Variants in PCDH7 observed in about 807,000 individuals in gnomAD.
The protein encoded by PCDH7 is protocadherin-7.
PCDH7 carries 17 observed loss-of-function variants against 58.9 expected under a neutral mutation model. The observed-to-expected ratio is 0.29, with a 90% CI of 0.20 to 0.43. PCDH7 has a LOEUF of 0.43. PCDH7 is among the 20% of genes least tolerant of loss of function. The pLI is 1.00. For synonymous variants in PCDH7, 664 were observed against 616.4 expected, an observed-to-expected ratio of 1.08 and a Z score of -1.14; for missense variants, 1,274 against 1,441.0, an observed-to-expected ratio of 0.88 and a Z score of 1.88.
At chr4:30,778,414 A>G (rs1722349318) in intron 1 of PCDH7, among the ~76,000 whole-genome samples, 1 of 152,196 alleles carries the variant, frequency 6.6e-6, no homozygotes. Context: ...CTTTTCATAC[A>G]ATGTGCATGT....
At position 30,723,393 on chromosome 4, in the gene PCDH7, T is replaced by C; in HGVS notation, c.1971T>C (p.Pro657=). The change falls in exon 1 of 2, where the codon CCT becomes CCC. Residue 657 remains proline, a synonymous_variant. Transcript: ENST00000361762. The surrounding 1 kb of genome is among the most constrained non-coding windows in gnomAD (Gnocchi z 4.6). ...AAGAAAACTTGCAGCCCAACAGCCC[T>C]GTGGGGATGGTCACCGTGATGGATG... The C allele has an allele frequency of 6.2e-7, 1 of 1,614,208 alleles. No individual in the cohort carries two copies. The highest frequency in any genetic ancestry group is 8.5e-7 in the Non-Finnish European group (1 of 1,180,032).
rs1339952155 is a variant in PCDH7, at chr4:30,722,565, G to A, written c.1143G>A (p.Leu381=). The A allele has an allele frequency of 5.6e-6, 9 of 1,612,814 alleles. No homozygotes were observed. In the Admixed American group the frequency reaches 1.3e-4, roughly 24 times the overall value. ...TCGACCGCGAGGAGGTGAACCAGCT[G>A]CGCTTCACGGTCATGGCCCGCGACC... Residue 381 remains leucine (L), a synonymous_variant, in exon 1 of 2, where the codon CTG becomes CTA. Coordinates refer to ENST00000361762, the Ensembl canonical transcript of PCDH7. This position sits in a 1 kb window ranked among gnomAD's most constrained non-coding sequence, Gnocchi z 7.6.
intron 1 of PCDH7, among the ~76,000 whole-genome samples, chr4:30,853,884 T>A (rs151207151): frequency 1.2e-3 from 184 of 152,156 alleles, no homozygotes; most frequent in African/African-American, 4.2e-3. Context: ...AAGAATGAGC[T>A]CCTAAGAGAC....
chr4:30,896,494 G>A (rs1739405269), intron 1 of PCDH7, among the ~76,000 whole-genome samples: 1 of 151,840 alleles, frequency 6.6e-6, no homozygotes, highest in Non-Finnish European at 1.5e-5. Flanking sequence ...CTTATACTTT[G>A]AATATACAGT....
chr4:31,047,138 T>G (rs1226245646), intron 3 of PCDH7, among the ~76,000 whole-genome samples: 2 of 152,044 alleles, frequency 1.3e-5, no homozygotes, highest in East Asian at 3.9e-4. Flanking sequence ...AAACTTTCCT[T>G]TTTCTCTGAT....
intron 3 of PCDH7, among the ~76,000 whole-genome samples, chr4:30,990,015 G>A (rs2109122096): frequency 6.6e-6 from 1 of 152,164 alleles, no homozygotes; most frequent in Admixed American, 6.5e-5. Context: ...AGGTTAGAAT[G>A]TTGACAAATA....
chr4:30,771,690 A>T (rs1210092260), intron 1 of PCDH7, among the ~76,000 whole-genome samples: 2 of 152,188 alleles, frequency 1.3e-5, no homozygotes, highest in African/African-American at 4.8e-5. Flanking sequence ...CAAATCTGAA[A>T]TTTTCTTTAA....
intron 1 of PCDH7, among the ~76,000 whole-genome samples, chr4:30,875,857 C>T (rs1256412517): frequency 6.6e-6 from 1 of 152,076 alleles, no homozygotes; most frequent in Non-Finnish European, 1.5e-5. Context: ...CTGATGTTGG[C>T]TCGACATTAG....
chr4:31,048,443 A>G lies in PCDH7; in HGVS notation c.*8-94030A>G, dbSNP rs558749197. On this transcript the variant is annotated intron_variant, in intron 3 of 3. Transcript: ENST00000509759. ...GACACTTTCTAATCCATGGCAATATAATTATTTTTAGTCTTCAGGCTTGAT... is the reference window on the plus strand; with the variant it reads ...GACACTTTCTAATCCATGGCAATATGATTATTTTTAGTCTTCAGGCTTGAT... Among the ~76,000 whole-genome samples the G allele has an allele frequency of 9.2e-5, 14 of 152,220 alleles. 1 individual carries two copies. In the South Asian group the frequency reaches 2.9e-3, roughly 32 times the overall value.
intron 3 of PCDH7, among the ~76,000 whole-genome samples, chr4:31,012,026 T>A (rs187096262): frequency 2.6e-5 from 4 of 152,208 alleles, no homozygotes; most frequent in African/African-American, 9.6e-5. Context: ...ATCAAATGAA[T>A]TAGGAAAATT....
At chr4:30,821,084 C>T (rs532175350) in intron 1 of PCDH7, among the ~76,000 whole-genome samples, 4 of 152,074 alleles carry the variant, frequency 2.6e-5, no homozygotes, top group Admixed American at 6.6e-5. Flanking sequence ...ACAATGACTG[C>T]GTGAGATAGG....
At chr4:31,137,557 C>T (rs1719758597) in intron 3 of PCDH7, among the ~76,000 whole-genome samples, 2 of 152,148 alleles carry the variant, frequency 1.3e-5, no homozygotes, top group African/African-American at 2.4e-5. Flanking sequence ...GCACTCCAGC[C>T]TGGATGACAG....
At chr4:31,016,395 TC>T (rs1360661098) in intron 3 of PCDH7, among the ~76,000 whole-genome samples, 40 of 146,590 alleles carry the variant, frequency 2.7e-4, no homozygotes, top group African/African-American at 8.4e-4. Flanking sequence ...AAAAGACAGA[TC>T]TTTTTTTTTT....
At chr4:30,838,767 CA>C (rs749347670) in intron 1 of PCDH7, among the ~76,000 whole-genome samples, 5 of 151,952 alleles carry the variant, frequency 3.3e-5, no homozygotes, top group Non-Finnish European at 4.4e-5. Context: ...CAGTGATTTA[CA>C]GGGAAAATAG....
At chr4:31,088,281 G>A (rs143475481) in intron 3 of PCDH7, among the ~76,000 whole-genome samples, 53 of 152,064 alleles carry the variant, frequency 3.5e-4, no homozygotes, top group Non-Finnish European at 4.1e-4. Flanking sequence ...GTTTGCTTCT[G>A]TTAATTTTCT....
At chr4:31,010,919 C>T (rs1753130805) in intron 3 of PCDH7, among the ~76,000 whole-genome samples, 2 of 151,922 alleles carry the variant, frequency 1.3e-5, no homozygotes, top group African/African-American at 2.4e-5. Context: ...TTGTAAACAA[C>T]ACATTATAGG....
intron 3 of PCDH7, among the ~76,000 whole-genome samples, chr4:31,119,492 A>G (rs1717393656): frequency 6.6e-6 from 1 of 152,084 alleles, no homozygotes; most frequent in African/African-American, 2.4e-5. Context: ...ACTCAGGGGC[A>G]TAAGGCAGAA....
intron 1 of PCDH7, among the ~76,000 whole-genome samples, chr4:30,916,953 C>T (rs534853902): frequency 3.5e-4 from 54 of 152,220 alleles, no homozygotes; most frequent in African/African-American, 1.3e-3. Context: ...GATACTAAGT[C>T]ACATCTAGGT....
chr4:30,919,844 A>ATACT (rs1344528089), intron 1 of PCDH7, among the ~76,000 whole-genome samples: 2 of 152,186 alleles, frequency 1.3e-5, no homozygotes, highest in African/African-American at 4.8e-5. Context: ...TCTGAAGTGA[A>ATACT]TACTATAGAA....
Sources: gnomAD v4.1 joint callset for allele counts (sites outside exome capture counted in the v4.1 genomes callset) on GRCh38, gnomAD v4.1.1 for gene constraint, Gnocchi (gnomAD v3.1) non-coding constraint, MANE v1.5 for transcripts, NCBI Gene and HGNC (gene_info 2026-07-23, HGNC 2026-07-21) for gene names.